CNTNAP2: variants seen among roughly 807,000 people sequenced by gnomAD.
CNTNAP2 encodes contactin associated protein 2.
A neutral mutation model predicts 155.2 loss-of-function variants in CNTNAP2; 98 were observed. The ratio of observed to expected loss-of-function variants is 0.63; its 90% CI spans 0.54 to 0.75. The LOEUF is 0.75. Ranked by LOEUF, CNTNAP2 falls within the 30% of genes least tolerant of loss-of-function variation. The pLI is 0.00. For synonymous variants in CNTNAP2, 651 were observed against 631.2 expected (o/e 1.03, Z -0.47); for missense variants, 1,727 against 1,688.1 (o/e 1.02, Z -0.40).
intron 13 of CNTNAP2, among the ~76,000 whole-genome samples, chr7:147,836,292 A>T (rs1020945407): frequency 6.6e-6 from 1 of 152,120 alleles, no homozygotes; most frequent in African/African-American, 2.4e-5. Context: ...AACATTTAAT[A>T]TTATATAAAA....
At chr7:147,305,854 G>A (rs1396781182) in intron 9 of CNTNAP2, among the ~76,000 whole-genome samples, 1 of 152,092 alleles carries the variant, frequency 6.6e-6, no homozygotes, top group Non-Finnish European at 1.5e-5. Context: ...GTGTCTGAAG[G>A]CCCCAGGGGA....
chr7:147,161,735 T>C (rs573584495), intron 8 of CNTNAP2: 1 of 152,304 alleles, frequency 6.6e-6, no homozygotes, highest in South Asian at 2.1e-4. Flanking sequence ...AAAATTGAAA[T>C]ATTTTCCTGT....
intron 14 of CNTNAP2, among the ~76,000 whole-genome samples, chr7:147,917,468 C>T (rs1388440480): frequency 1.3e-5 from 2 of 152,216 alleles, no homozygotes; most frequent in Non-Finnish European, 2.9e-5. Flanking sequence ...CAGGATCCAA[C>T]ATGGCTTCTA....
intron 1 of CNTNAP2, among the ~76,000 whole-genome samples, chr7:146,272,184 C>T (rs1027718522): frequency 1.3e-5 from 2 of 152,118 alleles, no homozygotes; most frequent in East Asian, 1.9e-4. Context: ...GAAGCAAACA[C>T]GTCCTTCTTC....
chr7:146,970,082 C>T (rs1441307186), intron 3 of CNTNAP2, among the ~76,000 whole-genome samples: 1 of 152,122 alleles, frequency 6.6e-6, no homozygotes, highest in Non-Finnish European at 1.5e-5. Flanking sequence ...AAGACTTAAA[C>T]AATAGACCTA....
chr7:147,180,975 G>A (rs1227089182), intron 8 of CNTNAP2, among the ~76,000 whole-genome samples: 1 of 151,960 alleles, frequency 6.6e-6, no homozygotes, highest in Non-Finnish European at 1.5e-5. Context: ...CAAACACCTA[G>A]AACACAAAAT....
intron 13 of CNTNAP2, among the ~76,000 whole-genome samples, chr7:147,849,306 TTGAG>T (rs1334780911): frequency 2.0e-5 from 3 of 152,190 alleles, no homozygotes; most frequent in African/African-American, 7.2e-5. Flanking sequence ...TACCAACAGA[TTGAG>T]TATTTTCATT....
intron 1 of CNTNAP2, among the ~76,000 whole-genome samples, chr7:146,643,529 T>C (rs1049475063): frequency 1.3e-5 from 2 of 151,998 alleles, no homozygotes; most frequent in African/African-American, 4.8e-5. Context: ...ATCTCTGTTT[T>C]GGTACCAGTA....
intron 13 of CNTNAP2, among the ~76,000 whole-genome samples, chr7:147,836,198 A>T (rs544671608): frequency 6.6e-6 from 1 of 152,346 alleles, no homozygotes; most frequent in Non-Finnish European, 1.5e-5. Context: ...TATAGCTCAA[A>T]TAACAGTACT....
intron 1 of CNTNAP2, among the ~76,000 whole-genome samples, chr7:146,474,847 C>T (rs1386737779): frequency 6.6e-6 from 1 of 152,148 alleles, no homozygotes; most frequent in East Asian, 1.9e-4. Flanking sequence ...TCTGATGCTG[C>T]TTCTCATCTC....
chr7:148,017,730 C>T (rs1336503055), intron 15 of CNTNAP2, among the ~76,000 whole-genome samples: 2 of 152,152 alleles, frequency 1.3e-5, no homozygotes, highest in African/African-American at 4.8e-5. Flanking sequence ...ACAAGAAATG[C>T]CCATCTATGT....
chr7:147,356,550 T>C (rs1472342186), intron 9 of CNTNAP2, among the ~76,000 whole-genome samples: 3 of 152,226 alleles, frequency 2.0e-5, no homozygotes, highest in African/African-American at 7.2e-5. Flanking sequence ...TAGCCCAAAA[T>C]CTCTTAAGCT....
intron 1 of CNTNAP2, among the ~76,000 whole-genome samples, chr7:146,772,734 AT>A (rs763999449): frequency 6.6e-6 from 1 of 152,092 alleles, no homozygotes; most frequent in Non-Finnish European, 1.5e-5. Context: ...AGACAAGAAC[AT>A]GGGGAAAGAG....
rs1800508152 is a variant in CNTNAP2, at chr7:146,681,705, T to C, written c.98-92566T>C. Among the ~76,000 whole-genome samples the C allele has an allele frequency of 2.0e-5, 3 of 152,194 alleles. No homozygotes were observed. The South Asian group carries it at 6.2e-4, about 32-fold the overall frequency. ...TAGGCTTAATACCTGGATGATGATA[T>C]AATCTGTACAACAAACCTCCATGGC... On this transcript the variant is annotated intron_variant, in intron 1 of 23. Transcript: ENST00000361727.
At chr7:146,897,966 G>A (rs1451577610) in intron 3 of CNTNAP2, among the ~76,000 whole-genome samples, 1 of 151,960 alleles carries the variant, frequency 6.6e-6, no homozygotes, top group Non-Finnish European at 1.5e-5. Context: ...AAACAATTCA[G>A]TGAATGCCGT....
intron 16 of CNTNAP2, among the ~76,000 whole-genome samples, chr7:148,127,853 C>G (rs1804746850): frequency 6.6e-6 from 1 of 151,958 alleles, no homozygotes; most frequent in Non-Finnish European, 1.5e-5. Flanking sequence ...GTGTTAGCAC[C>G]TGGATTTTTC....
chr7:146,569,148 C>T (rs1015797721), intron 1 of CNTNAP2, among the ~76,000 whole-genome samples: 50 of 152,200 alleles, frequency 3.3e-4, no homozygotes, highest in African/African-American at 1.2e-3. Context: ...TCCCAAGTAG[C>T]TGGGACTACA....
chr7:147,227,414 T>C (rs1803572588), intron 8 of CNTNAP2, among the ~76,000 whole-genome samples: 1 of 152,164 alleles, frequency 6.6e-6, no homozygotes, highest in Non-Finnish European at 1.5e-5. Flanking sequence ...CTGACTTGTG[T>C]TTTTTTAAAA....
chr7:147,643,028 T>C (rs770128889), intron 13 of CNTNAP2, among the ~76,000 whole-genome samples: 2 of 152,202 alleles, frequency 1.3e-5, no homozygotes, highest in Non-Finnish European at 2.9e-5. Flanking sequence ...TGAATGGCCT[T>C]ACTCCCAGGC....
Sources: gnomAD v4.1 joint callset for allele counts (sites outside exome capture counted in the v4.1 genomes callset) on GRCh38, gnomAD v4.1.1 for gene constraint, MANE v1.5 for transcripts, NCBI Gene and HGNC (gene_info 2026-07-23, HGNC 2026-07-21) for gene names.